ATP8A2: variants seen among roughly 807,000 people sequenced by gnomAD.
ATP8A2 encodes the protein phospholipid-transporting ATPase IB.
A neutral mutation model predicts 165.6 loss-of-function variants in ATP8A2; 100 were observed. The observed-to-expected ratio is 0.60, with a 90% confidence interval of 0.51 to 0.71. The LOEUF is 0.71. Among genes scored for constraint, ATP8A2 ranks in the 30% least tolerant of loss-of-function variants. ATP8A2 has a pLI of 0.00. For synonymous variants in ATP8A2, 543 were observed against 548.8 expected (o/e 0.99, Z 0.15); for missense variants, 1,227 against 1,479.5 (o/e 0.83, Z 2.80).
intron 1 of ATP8A2, among the ~76,000 whole-genome samples, chr13:25,422,928 TG>T (rs2034341514): frequency 6.6e-6 from 1 of 152,242 alleles, no homozygotes; most frequent in African/African-American, 2.4e-5. Context: ...TTGTGGTTTT[TG>T]CAGTTTTTGG....
chr13:25,400,132 A>G (rs992407387), intron 1 of ATP8A2, among the ~76,000 whole-genome samples: 2 of 152,052 alleles, frequency 1.3e-5, no homozygotes, highest in Non-Finnish European at 2.9e-5. Flanking sequence ...TATGTTGCCC[A>G]GGATAGTGTG....
intron 25 of ATP8A2, among the ~76,000 whole-genome samples, chr13:25,731,807 T>C (rs949120425): frequency 1.3e-5 from 2 of 152,210 alleles, no homozygotes; most frequent in Non-Finnish European, 2.9e-5. Context: ...GGAAAATCCA[T>C]TGTAACAGGG....
intron 1 of ATP8A2, among the ~76,000 whole-genome samples, chr13:25,383,038 A>C (rs1033627442): frequency 2.4e-4 from 32 of 134,108 alleles, no homozygotes; most frequent in Middle Eastern, 5.1e-3. Context: ...TACAGGTGTG[A>C]GCCACCACAC....
chr13:25,387,772 C>T (rs2033108956), intron 1 of ATP8A2, among the ~76,000 whole-genome samples: 1 of 152,082 alleles, frequency 6.6e-6, no homozygotes, highest in African/African-American at 2.4e-5. Flanking sequence ...TGATTAAAAT[C>T]TCTTTACTAG....
At chr13:25,985,542 G>C (rs1002365948) in intron 35 of ATP8A2, among the ~76,000 whole-genome samples, 1 of 152,172 alleles carries the variant, frequency 6.6e-6, no homozygotes, top group East Asian at 1.9e-4. Flanking sequence ...CGTCCCGCTG[G>C]GGGGCAGTCA....
intron 24 of ATP8A2, among the ~76,000 whole-genome samples, chr13:25,664,893 T>C (rs954615336): frequency 1.3e-5 from 2 of 149,998 alleles, no homozygotes; most frequent in Non-Finnish European, 2.9e-5. Flanking sequence ...TAAAAGAAGA[T>C]TGACATTTAA....
At chr13:25,402,013 C>T (rs1041017146) in intron 1 of ATP8A2, among the ~76,000 whole-genome samples, 2 of 152,042 alleles carry the variant, frequency 1.3e-5, no homozygotes, top group African/African-American at 2.4e-5. Context: ...AGCCACTGCA[C>T]CCAGCCTGGG....
intron 30 of ATP8A2, among the ~76,000 whole-genome samples, chr13:25,847,846 C>T (rs1186724745): frequency 6.6e-6 from 1 of 152,128 alleles, no homozygotes; most frequent in Non-Finnish European, 1.5e-5. Context: ...ATCAACCAAG[C>T]CCGAGCCCAC....
At chr13:25,430,084 G>A (rs893457191) in intron 1 of ATP8A2, among the ~76,000 whole-genome samples, 3 of 152,190 alleles carry the variant, frequency 2.0e-5, no homozygotes, top group Admixed American at 2.0e-4. Flanking sequence ...TTGCAGAAAG[G>A]TAAACAATTC....
At chr13:25,760,636 A>C (rs2044362201) in intron 25 of ATP8A2, among the ~76,000 whole-genome samples, 1 of 152,196 alleles carries the variant, frequency 6.6e-6, no homozygotes, top group Non-Finnish European at 1.5e-5. Flanking sequence ...AAATAATTAA[A>C]ATTAAACTTC....
At chr13:25,626,500 A>G (rs993928820) in intron 24 of ATP8A2, among the ~76,000 whole-genome samples, 6 of 152,200 alleles carry the variant, frequency 3.9e-5, no homozygotes, top group African/African-American at 1.4e-4. Context: ...TCCAATCAGC[A>G]TATGAATTTG....
At chr13:25,785,691 C>A (rs377085469) in intron 27 of ATP8A2, among the ~76,000 whole-genome samples, 20 of 152,302 alleles carry the variant, frequency 1.3e-4, no homozygotes, top group African/African-American at 3.6e-4. Flanking sequence ...TTTTCTCTCT[C>A]TATACCCAAA....
intron 1 of ATP8A2, among the ~76,000 whole-genome samples, chr13:25,466,712 G>A (rs9581349): frequency 0.055 from 8,445 of 152,262 alleles, 296 homozygotes; most frequent in South Asian, 0.14. Context: ...ATACATTGTG[G>A]AAGCTGCATT....
At chr13:25,607,015 T>G (rs1166445687) in intron 24 of ATP8A2, among the ~76,000 whole-genome samples, 1 of 152,156 alleles carries the variant, frequency 6.6e-6, no homozygotes, top group Non-Finnish European at 1.5e-5. Context: ...AGCTCCCATT[T>G]ACCACGTGAG....
chr13:25,598,462 T>C (rs975540641), intron 24 of ATP8A2, among the ~76,000 whole-genome samples: 1 of 152,236 alleles, frequency 6.6e-6, no homozygotes, highest in Admixed American at 6.5e-5. Context: ...TTTAATGGGA[T>C]TGATATTTGC....
chr13:25,844,236 CTT>C (rs35630381), intron 30 of ATP8A2, among the ~76,000 whole-genome samples: 7 of 147,964 alleles, frequency 4.7e-5, no homozygotes, highest in African/African-American at 7.5e-5. Context: ...TCTTATTACA[CTT>C]TTTTTTTTTT....
intron 35 of ATP8A2, among the ~76,000 whole-genome samples, chr13:25,978,959 G>C (rs1229101448): frequency 6.6e-6 from 1 of 151,806 alleles, no homozygotes; most frequent in Non-Finnish European, 1.5e-5. Flanking sequence ...AGCCTCAGGA[G>C]AAATGCTGGA....
chr13:25,606,399 T>G (rs909209585), intron 24 of ATP8A2, among the ~76,000 whole-genome samples: 4 of 152,230 alleles, frequency 2.6e-5, no homozygotes, highest in Non-Finnish European at 5.9e-5. Flanking sequence ...AATGATTCAT[T>G]GGCAGGTAAA....
At chr13:25,704,595 C>G (rs1251983959) in intron 25 of ATP8A2, among the ~76,000 whole-genome samples, 1 of 152,122 alleles carries the variant, frequency 6.6e-6, no homozygotes, top group Non-Finnish European at 1.5e-5. Flanking sequence ...TTCCTCCTCC[C>G]AAAGTGCTGA....
Sources: gnomAD v4.1 joint callset for allele counts (sites outside exome capture counted in the v4.1 genomes callset) on GRCh38, gnomAD v4.1.1 for gene constraint, MANE v1.5 for transcripts, NCBI Gene and HGNC (gene_info 2026-07-23, HGNC 2026-07-21) for gene names.